The following PRKCI variants were observed in gnomAD, a reference collection of about 807,000 sequenced individuals.
The protein encoded by PRKCI is protein kinase C iota, also known as protein kinase C iota type.
A neutral mutation model predicts 84.0 loss-of-function variants in PRKCI; 43 were observed. That is an observed-to-expected ratio of 0.51 (90% CI 0.40 to 0.66). The LOEUF (loss-of-function observed/expected upper bound fraction) is 0.66. Ranked by LOEUF, PRKCI falls within the 30% of genes least tolerant of loss-of-function variation. The pLI is 0.00. For missense variants in PRKCI, 459 were observed against 745.6 expected (o/e 0.62, Z 4.48); for synonymous variants, 216 against 234.4 (o/e 0.92, Z 0.72).
intron 4 of PRKCI, among the ~76,000 whole-genome samples, chr3:170,264,868 A>T (rs1401477737): frequency 6.6e-6 from 1 of 152,156 alleles, no homozygotes; most frequent in South Asian, 2.1e-4. Context: ...CCACAGCATC[A>T]GCTTCACCTG....
intron 2 of PRKCI, among the ~76,000 whole-genome samples, chr3:170,256,179 G>A (rs1336244985): frequency 1.3e-5 from 2 of 152,142 alleles, no homozygotes; most frequent in African/African-American, 2.4e-5. Context: ...TAGTAATACT[G>A]ATGAGTATTA....
Position 170,263,199 on chromosome 3 carries a change from C to T in PRKCI, c.314-180C>T, listed in dbSNP as rs191571169. Among the ~76,000 whole-genome samples the T allele has an allele frequency of 2.1e-3, 316 of 151,778 alleles. 1 individual carries two copies. Among genetic ancestry groups the T allele is most frequent in the South Asian group, 8.1e-3 (39 of 4,812 alleles). On this transcript the variant is annotated intron_variant, in intron 3 of 17. Transcript: ENST00000295797. Reference sequence around the variant, plus strand: ...AAAAAAAAAACCTTCTTTTATATGGCCTTGGTAAAATGAATCCCTTTGGCA... The same window carrying T: ...AAAAAAAAAACCTTCTTTTATATGGTCTTGGTAAAATGAATCCCTTTGGCA...
intron 3 of PRKCI, 21 bp downstream of exon 3, chr3:170,260,079 T>C (rs1307766839): frequency 2.0e-6 from 3 of 1,476,930 alleles, no homozygotes; most frequent in Non-Finnish European, 1.9e-6. Flanking sequence ...AGTCATTTCA[T>C]ACTCGTCCAG....
chr3:170,248,362 T>C (rs1445853477), intron 2 of PRKCI, among the ~76,000 whole-genome samples: 1 of 96,424 alleles, frequency 1.0e-5, no homozygotes, highest in Non-Finnish European at 2.0e-5. Context: ...ACAAAAACAG[T>C]AGATATATTG....
At chr3:170,268,661 AAAATAAT>A (rs1733923801) in intron 5 of PRKCI, among the ~76,000 whole-genome samples, 3 of 152,192 alleles carry the variant, frequency 2.0e-5, no homozygotes, top group African/African-American at 7.2e-5. Context: ...CACTGTTTAG[AAAATAAT>A]AATAGCAAAC....
chr3:170,237,480 AAAAGAACTT>A (rs1733008428), intron 2 of PRKCI, among the ~76,000 whole-genome samples: 1 of 152,188 alleles, frequency 6.6e-6, no homozygotes. Context: ...AGTCACCACT[AAAAGAACTT>A]ACTCATGTAA....
Position 170,280,237 on chromosome 3 carries a change from C to G in PRKCI, c.716C>G (p.Thr239Ser). The change falls in exon 9 of 18, where the codon ACC (threonine) becomes AGC (serine). Residue 239 changes from threonine (T) to serine (S), a missense_variant. By Grantham distance (58) the Thr-to-Ser change is moderately conservative. This residue lies in a region of PRKCI where 250 missense variants were observed against 319.7 expected (regional missense o/e 0.78). Coordinates refer to ENST00000295797, the MANE Select transcript of PRKCI (RefSeq NM_002740.6). ...AAATGTTCTCAACAGGCAATGAACA[C>G]CAGGGAAAGTGGCAAAGCTTCATCC... The part of the protein sequence containing the change: ...QVGEEKEAMN[T>S]RESGKASSSL... The G allele has an allele frequency of 6.2e-7, 1 of 1,610,282 alleles. No homozygotes were observed. Among genetic ancestry groups the G allele is most frequent in the Non-Finnish European group, 8.5e-7 (1 of 1,179,320 alleles).
intron 2 of PRKCI, among the ~76,000 whole-genome samples, chr3:170,240,111 A>G (rs1733089622): frequency 1.3e-5 from 2 of 152,122 alleles, no homozygotes; most frequent in African/African-American, 2.4e-5. Context: ...GCAGTGAGCC[A>G]TGATTGTGCC....
At chr3:170,265,793 G>C (rs1413386110) in intron 4 of PRKCI, among the ~76,000 whole-genome samples, 1 of 151,334 alleles carries the variant, frequency 6.6e-6, no homozygotes, top group East Asian at 1.9e-4. Context: ...TGTATTTTTA[G>C]TAGAGATGGG....
intron 12 of PRKCI, 96 bp from the exon 13 acceptor site, chr3:170,291,758 G>A (rs1734558192): frequency 3.4e-6 from 3 of 871,366 alleles, no homozygotes; most frequent in Non-Finnish European, 5.7e-6. Flanking sequence ...ATGTATCACT[G>A]CAGATGCTGA....
intron 8 of PRKCI, among the ~76,000 whole-genome samples, chr3:170,276,521 A>G (rs561754947): frequency 3.1e-4 from 47 of 151,816 alleles, no homozygotes; most frequent in African/African-American, 1.0e-3. Flanking sequence ...CAGTGGTGCA[A>G]TGATGGCTCA....
rs1462150077 is a variant in PRKCI, at chr3:170,303,428, A to G, written c.*301A>G. 1 of 258,674 alleles carries G rather than the reference A, an allele frequency of 3.9e-6. No homozygotes were observed. Among genetic ancestry groups the G allele is most frequent in the Admixed American group, 5.4e-5 (1 of 18,544 alleles). The allele number at this position is 258,674 out of a possible 1,614,324, so 16.0% of individuals were successfully genotyped here. A position where few individuals can be genotyped will look rare whatever the true frequency, so the allele number is the denominator to read the frequency against. On this transcript the variant is annotated 3_prime_UTR_variant, in exon 18 of 18. Coordinates refer to ENST00000295797, the MANE Select transcript of PRKCI (RefSeq NM_002740.6). ...TGTTTAAAAAAAAAAAAAACACTGC[A>G]TTAAAAAAGTATCTGTTGCATTAAG...
intron 1 of PRKCI, among the ~76,000 whole-genome samples, chr3:170,228,653 A>T (rs956984942): frequency 4.6e-5 from 7 of 151,956 alleles, no homozygotes; most frequent in African/African-American, 1.4e-4. Context: ...ATACATACAC[A>T]CACATATAAA....
chr3:170,238,506 T>C (rs1733039129), intron 2 of PRKCI, among the ~76,000 whole-genome samples: 1 of 151,826 alleles, frequency 6.6e-6, no homozygotes, highest in Admixed American at 6.6e-5. Context: ...ATATTATAGA[T>C]GTTTCATGAT....
At chr3:170,232,458 T>C (rs116252708) in intron 1 of PRKCI, among the ~76,000 whole-genome samples, 3,095 of 152,272 alleles carry the variant, frequency 0.02, 52 homozygotes, top group East Asian at 0.085. Flanking sequence ...CTCAACTTCC[T>C]GGGCTCAAGC....
intron 2 of PRKCI, among the ~76,000 whole-genome samples, chr3:170,238,606 T>TA (rs1733042905): frequency 6.6e-6 from 1 of 150,612 alleles, no homozygotes. Flanking sequence ...TTTTTTTTTT[T>TA]TTTTTGAGAC....
intron 1 of PRKCI, among the ~76,000 whole-genome samples, chr3:170,228,871 A>G (rs900509107): frequency 6.7e-6 from 1 of 149,764 alleles, no homozygotes; most frequent in Admixed American, 6.7e-5. Context: ...TTCAACCCTC[A>G]CCCCCCTCCC....
intron 14 of PRKCI, among the ~76,000 whole-genome samples, 169 bp from the exon 15 acceptor site, chr3:170,295,742 G>A (rs1734673230): frequency 6.6e-6 from 1 of 151,972 alleles, no homozygotes. Context: ...CTACTTGGGA[G>A]GTTGAGGTGG....
intron 2 of PRKCI, among the ~76,000 whole-genome samples, chr3:170,243,908 T>A (rs1733200105): frequency 6.6e-6 from 1 of 152,124 alleles, no homozygotes; most frequent in East Asian, 1.9e-4. Flanking sequence ...TCTGGAGGCC[T>A]GGGAGAAAAA....
Sources: gnomAD v4.1 joint callset for allele counts (sites outside exome capture counted in the v4.1 genomes callset) on GRCh38, gnomAD v4.1.1 for gene constraint, gnomAD v4.1.1 regional missense constraint, MANE v1.5 for transcripts, NCBI Gene and HGNC (gene_info 2026-07-23, HGNC 2026-07-21) for gene names.